The following TEAD1 variants were observed in gnomAD, a reference collection of about 807,000 sequenced individuals.
TEAD1 encodes the protein transcriptional enhancer factor TEF-1.
In TEAD1, 9 loss-of-function variants were observed where a neutral mutation model predicts 54.9. That is an observed-to-expected ratio of 0.16 (90% CI 0.10 to 0.29). The LOEUF is 0.29. Among genes scored for constraint, TEAD1 ranks in the 10% least tolerant of loss-of-function variants. The pLI is 1.00. For missense variants in TEAD1, 387 were observed against 535.9 expected (o/e 0.72, Z 2.74); for synonymous variants, 200 against 187.8 (o/e 1.07, Z -0.53).
At chr11:12,916,687 C>T (rs1384509746) in intron 10 of TEAD1, among the ~76,000 whole-genome samples, 3 of 152,252 alleles carry the variant, frequency 2.0e-5, no homozygotes, top group Non-Finnish European at 2.9e-5. Context: ...CCTGTGCTGT[C>T]AGTCCAGTGT....
chr11:12,926,527 A>G (rs1948904823), intron 11 of TEAD1, among the ~76,000 whole-genome samples: 1 of 152,204 alleles, frequency 6.6e-6, no homozygotes, highest in South Asian at 2.1e-4. Context: ...TGCCACTAAT[A>G]GAGATAAGGA....
At chr11:12,917,569 G>C (rs1191155570) in intron 10 of TEAD1, among the ~76,000 whole-genome samples, 1 of 152,162 alleles carries the variant, frequency 6.6e-6, no homozygotes. Context: ...TGTTGCCCAG[G>C]CTGGTCTCAA....
intron 2 of TEAD1, among the ~76,000 whole-genome samples, chr11:12,676,069 A>G (rs1022104623): frequency 6.6e-6 from 1 of 152,226 alleles, no homozygotes; most frequent in African/African-American, 2.4e-5. Context: ...GGGAATGTAA[A>G]AAGGCCATGT....
intron 9 of TEAD1, among the ~76,000 whole-genome samples, chr11:12,893,645 T>C (rs1323838349): frequency 2.0e-5 from 3 of 152,036 alleles, no homozygotes; most frequent in Non-Finnish European, 4.4e-5. Context: ...GACACACTCC[T>C]GTCTGAGGAA....
chr11:12,731,540 CAATA>C (rs1564921345), intron 2 of TEAD1, among the ~76,000 whole-genome samples: 2 of 151,910 alleles, frequency 1.3e-5, no homozygotes, highest in African/African-American at 4.8e-5. Flanking sequence ...TCTTTAATAT[CAATA>C]AATACTTACT....
intron 2 of TEAD1, among the ~76,000 whole-genome samples, chr11:12,743,485 A>G (rs1170977230): frequency 6.6e-6 from 1 of 152,224 alleles, no homozygotes; most frequent in African/African-American, 2.4e-5. Context: ...TATAATTAGT[A>G]TTAGAACTAG....
chr11:12,830,170 T>G (rs1992335), intron 3 of TEAD1, among the ~76,000 whole-genome samples: 81,455 of 151,508 alleles, frequency 0.54, 22,894 homozygotes, highest in East Asian at 0.74. Flanking sequence ...ATGAGGTGAT[T>G]GAGGTTTCAA....
intron 3 of TEAD1, among the ~76,000 whole-genome samples, chr11:12,839,973 C>G (rs1425328772): frequency 6.6e-6 from 1 of 151,904 alleles, no homozygotes; most frequent in East Asian, 1.9e-4. Context: ...ACGGGCCTGG[C>G]GCGGTGGTTC....
At chr11:12,916,758 G>T (rs1426433386) in intron 10 of TEAD1, among the ~76,000 whole-genome samples, 1 of 152,240 alleles carries the variant, frequency 6.6e-6, no homozygotes, top group East Asian at 1.9e-4. Context: ...TGTCGGACTG[G>T]ATGGGATGAG....
intron 2 of TEAD1, among the ~76,000 whole-genome samples, chr11:12,762,844 TA>T (rs1258693756): frequency 2.0e-5 from 3 of 152,112 alleles, no homozygotes; most frequent in Non-Finnish European, 4.4e-5. Context: ...TGCTGTCAGG[TA>T]ACGGCCCTGG....
chr11:12,794,757 A>C (rs886134274), intron 3 of TEAD1, among the ~76,000 whole-genome samples: 1 of 152,158 alleles, frequency 6.6e-6, no homozygotes, highest in Non-Finnish European at 1.5e-5. Flanking sequence ...GCATGCACAT[A>C]ATGGGCCCAG....
At chr11:12,887,395 G>A (rs1333459685) in intron 9 of TEAD1, among the ~76,000 whole-genome samples, 3 of 152,018 alleles carry the variant, frequency 2.0e-5, no homozygotes, top group South Asian at 2.1e-4. Context: ...GTGCCCGGCC[G>A]CAGATTGTTA....
At chr11:12,744,721 G>A (rs1486071614) in intron 2 of TEAD1, among the ~76,000 whole-genome samples, 1 of 152,082 alleles carries the variant, frequency 6.6e-6, no homozygotes, top group African/African-American at 2.4e-5. Flanking sequence ...AAAAATTATT[G>A]TATAATTAGT....
chr11:12,760,728 C>A, intron 2 of TEAD1, among the ~76,000 whole-genome samples: 1 of 152,166 alleles, frequency 6.6e-6, no homozygotes, highest in African/African-American at 2.4e-5. Flanking sequence ...GGTTCTCCTA[C>A]AGCGTGGTTG....
intron 2 of TEAD1, among the ~76,000 whole-genome samples, chr11:12,692,225 C>G (rs575073401): frequency 6.9e-4 from 105 of 152,254 alleles, no homozygotes; most frequent in Non-Finnish European, 1.3e-3. Context: ...TTAGGCCAAC[C>G]ACCCCCCAGT....
At chr11:12,847,142 C>G (rs747042076) in intron 3 of TEAD1, among the ~76,000 whole-genome samples, 1 of 152,126 alleles carries the variant, frequency 6.6e-6, no homozygotes, top group Non-Finnish European at 1.5e-5. Context: ...ACAGTCACTG[C>G]GTCCCATGAG....
chr11:12,709,860 A>G (rs1943897497), intron 2 of TEAD1, among the ~76,000 whole-genome samples: 1 of 152,022 alleles, frequency 6.6e-6, no homozygotes, highest in Admixed American at 6.6e-5. Context: ...GCTGATCAGC[A>G]TGGGCCCCTT....
At chr11:12,803,581 TGCTGTGTGGCTCATGGCGCCA>T (rs1445836869) in intron 3 of TEAD1, among the ~76,000 whole-genome samples, 12 of 152,228 alleles carry the variant, frequency 7.9e-5, no homozygotes, top group African/African-American at 2.4e-5. Flanking sequence ...CCTCTGTGCC[TGCTGTGTGGCTCATGGCGCCA>T]GCTGTGTGGC....
At chr11:12,838,981 C>T (rs989049050) in intron 3 of TEAD1, among the ~76,000 whole-genome samples, 1 of 152,164 alleles carries the variant, frequency 6.6e-6, no homozygotes, top group African/African-American at 2.4e-5. Context: ...TTATAAATTC[C>T]TTTTGACAAA....
Sources: allele counts gnomAD v4.1 joint callset (sites outside exome capture counted in the v4.1 genomes callset), GRCh38; gene constraint gnomAD v4.1.1; transcripts MANE v1.5; gene names NCBI Gene and HGNC (gene_info 2026-07-23, HGNC 2026-07-21).